Variants in DCAF1 observed in about 807,000 individuals in gnomAD.
DCAF1 encodes DDB1 and CUL4 associated factor 1.
In DCAF1, 15 loss-of-function variants were observed where a neutral mutation model predicts 128.0. That is an observed-to-expected ratio of 0.12 (90% confidence interval 0.08 to 0.18). The LOEUF (loss-of-function observed/expected upper bound fraction) is 0.18, where lower values mean the gene tolerates loss of function less well. DCAF1 is among the 10% of genes least tolerant of loss of function. DCAF1 has a pLI of 1.00. For missense variants in DCAF1, 988 were observed against 1,649.5 expected (o/e 0.60, Z 6.95); for synonymous variants, 610 against 603.0 (o/e 1.01, Z -0.17).
chr3:51,430,630 T>C (rs1417361929), intron 10 of DCAF1, among the ~76,000 whole-genome samples: 1 of 152,162 alleles, frequency 6.6e-6, no homozygotes, highest in Non-Finnish European at 1.5e-5. Flanking sequence ...CACACACATT[T>C]TGATGTCTAC....
At chr3:51,418,914 T>G in intron 15 of DCAF1, 38 bp from the exon 16 acceptor site, 1 of 1,543,222 alleles carries the variant, frequency 6.5e-7, no homozygotes, top group Non-Finnish European at 8.7e-7. Flanking sequence ...GCAAAGAATG[T>G]GCAGGGACTC....
chr3:51,429,640 A>C (rs1293831592), intron 11 of DCAF1, among the ~76,000 whole-genome samples, 170 bp from the exon 12 acceptor site: 4 of 152,196 alleles, frequency 2.6e-5, no homozygotes, highest in African/African-American at 9.7e-5. Context: ...ATATCAACGC[A>C]TATTTATGTA....
chr3:51,403,288 G>C lies in DCAF1; in HGVS notation c.4320C>G (p.Asp1440Glu). The C allele has an allele frequency of 6.2e-7, 1 of 1,601,410 alleles. No homozygotes were observed. Residue 1440 changes from aspartate to glutamate, a missense_variant, in exon 24 of 25, where the codon GAC becomes GAG. This residue lies in a region of DCAF1 where 97 missense variants were observed against 134.5 expected (regional missense o/e 0.72). Transcript: ENST00000684031. ...CTTCCCCTGCGTTCTCATTATTGTC[G>C]TCCTCCTCCAACTCCGCCTCCAGCA... Reference protein sequence around the residue: ...DQLLEAELEEDDNNENAGEDG... With the variant: ...DQLLEAELEEEDNNENAGEDG...
chr3:51,483,296 C>T (rs995908377), intron 3 of DCAF1, among the ~76,000 whole-genome samples: 4 of 149,424 alleles, frequency 2.7e-5, no homozygotes, highest in Admixed American at 2.0e-4. Context: ...AAAAAGTAGC[C>T]GGGCATGGTG....
At chr3:51,422,196 T>C (rs1553632688) in intron 14 of DCAF1, 111 bp downstream of exon 14, 2 of 660,748 alleles carry the variant, frequency 3.0e-6, no homozygotes, top group Non-Finnish European at 2.8e-6. Context: ...CCCCCTCTAC[T>C]ACTTCTGTTC....
At chr3:51,440,880 T>C (rs920438797) in intron 9 of DCAF1, 90 bp downstream of exon 9, 6 of 1,112,280 alleles carry the variant, frequency 5.4e-6, no homozygotes, top group African/African-American at 3.2e-5. Context: ...CACTCCAGCC[T>C]GGGCGACAGA....
chr3:51,437,612 G>C (rs782249183), intron 9 of DCAF1, among the ~76,000 whole-genome samples: 1 of 152,100 alleles, frequency 6.6e-6, no homozygotes, highest in Non-Finnish European at 1.5e-5. Flanking sequence ...CCAGGAGTTC[G>C]AGAGTAGCTT....
At chr3:51,439,138 G>C (rs1242583540) in intron 9 of DCAF1, among the ~76,000 whole-genome samples, 1 of 151,908 alleles carries the variant, frequency 6.6e-6, no homozygotes, top group East Asian at 1.9e-4. Context: ...GGGTCTGCCT[G>C]TTTTGTTTTT....
intron 10 of DCAF1, among the ~76,000 whole-genome samples, chr3:51,431,559 T>A (rs1478110020): frequency 6.6e-6 from 1 of 151,360 alleles, no homozygotes; most frequent in Non-Finnish European, 1.5e-5. Context: ...GAAAGAGTCT[T>A]AACTACAAAA....
At chr3:51,429,955 C>A in intron 11 of DCAF1, 78 bp downstream of exon 11, 1 of 721,192 alleles carries the variant, frequency 1.4e-6, no homozygotes, top group South Asian at 1.5e-5. Flanking sequence ...TTCCTTTCTT[C>A]AAGGGTGTGC....
chr3:51,477,299 T>A (rs1406825596), intron 3 of DCAF1, among the ~76,000 whole-genome samples: 1 of 148,922 alleles, frequency 6.7e-6, no homozygotes, highest in Admixed American at 6.7e-5. Flanking sequence ...CACCCAAACC[T>A]GCAGCCAGAT....
chr3:51,445,716 C>T (rs557217437), intron 6 of DCAF1, among the ~76,000 whole-genome samples: 3 of 152,268 alleles, frequency 2.0e-5, no homozygotes, highest in Non-Finnish European at 4.4e-5. Flanking sequence ...TATGTGCATG[C>T]TGAACTTTAC....
intron 3 of DCAF1, among the ~76,000 whole-genome samples, chr3:51,476,050 GTTAA>G (rs1705407739): frequency 6.6e-6 from 1 of 152,076 alleles, no homozygotes; most frequent in Admixed American, 6.6e-5. Context: ...CTCTTTAGGT[GTTAA>G]TTGTGGGGTT....
intron 14 of DCAF1, among the ~76,000 whole-genome samples, chr3:51,421,283 G>T (rs1156359932): frequency 6.6e-6 from 1 of 152,142 alleles, no homozygotes; most frequent in Non-Finnish European, 1.5e-5. Context: ...TTGAGGCAGA[G>T]TCTCGCTCTG....
At chr3:51,433,996 C>T (rs889169266) in intron 9 of DCAF1, among the ~76,000 whole-genome samples, 72 of 151,230 alleles carry the variant, frequency 4.8e-4, no homozygotes, top group Non-Finnish European at 7.5e-4. Context: ...GCAGGAGGAT[C>T]GCCTGAACCC....
intron 6 of DCAF1, among the ~76,000 whole-genome samples, chr3:51,453,958 A>C (rs1247807166): frequency 1.3e-5 from 2 of 152,106 alleles, no homozygotes; most frequent in African/African-American, 2.4e-5. Flanking sequence ...TCTCAAAAAA[A>C]AAAAAACAAG....
intron 18 of DCAF1, 128 bp downstream of exon 18, chr3:51,416,659 C>A: frequency 7.5e-7 from 1 of 1,328,486 alleles, no homozygotes; most frequent in Non-Finnish European, 1.0e-6. Context: ...CTTTTAGATT[C>A]TAACTAGAAG....
chr3:51,449,948 T>C (rs1216260122), intron 6 of DCAF1, among the ~76,000 whole-genome samples: 3 of 152,096 alleles, frequency 2.0e-5, no homozygotes, highest in Non-Finnish European at 4.4e-5. Context: ...AAAAACTAAA[T>C]AGACCTATAA....
intron 6 of DCAF1, among the ~76,000 whole-genome samples, chr3:51,461,380 T>C (rs1242541411): frequency 2.6e-5 from 4 of 152,190 alleles, no homozygotes; most frequent in African/African-American, 9.7e-5. Flanking sequence ...TCACACCAGT[T>C]AGAATGGCAA....
Sources: allele counts gnomAD v4.1 joint callset (sites outside exome capture counted in the v4.1 genomes callset), GRCh38; gene constraint gnomAD v4.1.1; regional missense constraint gnomAD v4.1.1; transcripts MANE v1.5; gene names NCBI Gene and HGNC (gene_info 2026-07-23, HGNC 2026-07-21).